Variants in CDH12 observed in about 807,000 individuals in gnomAD.
The protein encoded by CDH12 is cadherin-12.
CDH12 carries 41 observed loss-of-function variants against 74.1 expected under a neutral mutation model. That is an observed-to-expected ratio of 0.55 (90% CI 0.43 to 0.72). The LOEUF is 0.72. CDH12 is among the 30% of genes least tolerant of loss of function. The pLI is 0.00. For missense variants in CDH12, 945 were observed against 977.2 expected (o/e 0.97, Z 0.44); for synonymous variants, 399 against 355.0 (o/e 1.12, Z -1.39).
At chr5:22,667,634 G>A (rs921609356) in intron 1 of CDH12, among the ~76,000 whole-genome samples, 1 of 152,160 alleles carries the variant, frequency 6.6e-6, no homozygotes, top group South Asian at 2.1e-4. Context: ...CAATTAGGTG[G>A]TTATAAATAG....
intron 4 of CDH12, among the ~76,000 whole-genome samples, chr5:22,132,348 G>C (rs977992436): frequency 6.6e-6 from 1 of 151,994 alleles, no homozygotes; most frequent in Non-Finnish European, 1.5e-5. Context: ...GGGGGCCCTT[G>C]CTAGGAACTA....
intron 2 of CDH12, among the ~76,000 whole-genome samples, chr5:22,483,094 A>C (rs1457994576): frequency 2.0e-5 from 3 of 152,160 alleles, no homozygotes; most frequent in Admixed American, 6.5e-5. Flanking sequence ...GAAGATATAC[A>C]GATTTTTTTA....
In CDH12 at chr5:21,966,137, C is replaced by T. The variant is rs1167461014; in HGVS notation, c.526+8954G>A. Among the ~76,000 whole-genome samples the T allele has an allele frequency of 2.0e-5, 3 of 149,034 alleles. No homozygotes were observed. In the East Asian group the frequency reaches 5.9e-4, roughly 29 times the overall value. ...ACCCTTCATTTTACCTTGGGTCTTG[C>T]CATTTTCTTTCTATTTTTACGTTTT... On this transcript the variant is annotated intron_variant, in intron 6 of 14. Transcript: ENST00000382254.
intron 6 of CDH12, among the ~76,000 whole-genome samples, chr5:21,927,456 T>C (rs1290694724): frequency 6.6e-6 from 1 of 150,928 alleles, no homozygotes; most frequent in Non-Finnish European, 1.5e-5. Context: ...AGTATGATGA[T>C]GGCGTGTGAC....
At chr5:21,842,777 A>C (rs765408222) in intron 7 of CDH12, among the ~76,000 whole-genome samples, 4 of 152,120 alleles carry the variant, frequency 2.6e-5, no homozygotes, top group Non-Finnish European at 4.4e-5. Context: ...TCTAGAGTAA[A>C]AATACTAATT....
intron 6 of CDH12, among the ~76,000 whole-genome samples, chr5:21,859,936 G>A (rs913034422): frequency 2.0e-5 from 3 of 151,804 alleles, no homozygotes; most frequent in Non-Finnish European, 2.9e-5. Flanking sequence ...ACATCAATGG[G>A]AAACTACAAC....
chr5:22,466,077 A>C (rs1445719597), intron 2 of CDH12, among the ~76,000 whole-genome samples: 1 of 151,640 alleles, frequency 6.6e-6, no homozygotes, highest in South Asian at 2.1e-4. Context: ...ATCTAAATTC[A>C]CTCTAAGTAA....
intron 6 of CDH12, among the ~76,000 whole-genome samples, chr5:21,890,334 T>C (rs1431813428): frequency 6.6e-6 from 1 of 152,104 alleles, no homozygotes; most frequent in African/African-American, 2.4e-5. Flanking sequence ...CTTTCTTCTA[T>C]GGTAAAAATG....
At chr5:22,672,085 T>G (rs1010671819) in intron 1 of CDH12, among the ~76,000 whole-genome samples, 9 of 130,668 alleles carry the variant, frequency 6.9e-5, no homozygotes, top group Non-Finnish European at 9.4e-5. Flanking sequence ...ATAATATAAA[T>G]AATTATATAT....
At chr5:22,192,580 T>C (rs1031008109) in intron 4 of CDH12, among the ~76,000 whole-genome samples, 2 of 151,618 alleles carry the variant, frequency 1.3e-5, no homozygotes, top group South Asian at 2.1e-4. Context: ...CAAGCACCAT[T>C]AGGGGTGTGT....
At chr5:22,074,240 T>A (rs1580207301) in intron 5 of CDH12, among the ~76,000 whole-genome samples, 1 of 152,160 alleles carries the variant, frequency 6.6e-6, no homozygotes, top group South Asian at 2.1e-4. Flanking sequence ...TAAATGGTGC[T>A]GGGAAAACTG....
chr5:22,526,240 A>T (rs564183439), intron 1 of CDH12, among the ~76,000 whole-genome samples: 35 of 152,332 alleles, frequency 2.3e-4, no homozygotes, highest in Middle Eastern at 3.4e-3. Context: ...CAGGAATTAA[A>T]AAAACCCTGA....
intron 3 of CDH12, among the ~76,000 whole-genome samples, chr5:22,272,967 G>A (rs1470664938): frequency 1.3e-5 from 2 of 152,170 alleles, no homozygotes; most frequent in African/African-American, 2.4e-5. Flanking sequence ...AGAGAGAGAA[G>A]TGCCAGCAAG....
At position 22,123,720 on chromosome 5, in the gene CDH12, A is replaced by G. The variant is rs142961572; in HGVS notation, c.-186-44858T>C. ...CTGTCCTACGCGATTTTGCAGTAAT[A>G]CAGTTAATCCTCATAACAACCAGAC... On this transcript the variant is annotated intron_variant, in intron 4 of 14. Coordinates refer to ENST00000382254, the MANE Select transcript of CDH12 (RefSeq NM_004061.5). Among the ~76,000 whole-genome samples the G allele has an allele frequency of 2.2e-3, 342 of 152,296 alleles. 1 individual carries two copies. Among genetic ancestry groups the G allele is most frequent in the Admixed American group, 4.1e-3 (62 of 15,292 alleles).
intron 4 of CDH12, among the ~76,000 whole-genome samples, chr5:22,154,004 A>G (rs1193621521): frequency 6.7e-6 from 1 of 149,064 alleles, no homozygotes; most frequent in Admixed American, 6.8e-5. Context: ...ATATATATGT[A>G]TATATGTATT....
At chr5:22,552,386 C>T (rs190674564) in intron 1 of CDH12, among the ~76,000 whole-genome samples, 1 of 151,780 alleles carries the variant, frequency 6.6e-6, no homozygotes, top group African/African-American at 2.4e-5. Context: ...GGTTCTTCTC[C>T]TTCAGGAGAA....
chr5:22,357,315 C>T (rs1323586182), intron 3 of CDH12, among the ~76,000 whole-genome samples: 1 of 151,980 alleles, frequency 6.6e-6, no homozygotes, highest in African/African-American at 2.4e-5. Flanking sequence ...CTGTTTCTAT[C>T]CAGGTAGACA....
Position 22,777,319 on chromosome 5 carries a change from T to A in CDH12, c.-523+75739A>T, listed in dbSNP as rs933607807. 2.6e-5 allele frequency among the ~76,000 whole-genome samples: 4 copies of A among 152,170 alleles called. No individual in the cohort carries two copies. The East Asian group carries it at 7.7e-4, about 29-fold the overall frequency. On this transcript the variant is annotated intron_variant, in intron 1 of 14. Coordinates refer to ENST00000382254, the MANE Select transcript of CDH12 (RefSeq NM_004061.5). Reference sequence around the variant, plus strand: ...AATCCATATTTATTTATTTATAAGGTGTTATTCAGTTGATACATTGTTTTG... The same window carrying A: ...AATCCATATTTATTTATTTATAAGGAGTTATTCAGTTGATACATTGTTTTG...
intron 2 of CDH12, among the ~76,000 whole-genome samples, chr5:22,466,585 AC>A (rs1401726951): frequency 1.3e-5 from 2 of 151,876 alleles, no homozygotes; most frequent in Non-Finnish European, 1.5e-5. Context: ...AAAGGAGAAA[AC>A]CACAGGCTCT....
Sources: gnomAD v4.1 joint callset for allele counts (sites outside exome capture counted in the v4.1 genomes callset) on GRCh38, gnomAD v4.1.1 for gene constraint, MANE v1.5 for transcripts, NCBI Gene and HGNC (gene_info 2026-07-23, HGNC 2026-07-21) for gene names.